The following ALS2 variants were observed in gnomAD, a reference collection of about 807,000 sequenced individuals.
ALS2 encodes alsin Rho guanine nucleotide exchange factor ALS2.
A neutral mutation model predicts 203.4 loss-of-function variants in ALS2; 117 were observed. The observed-to-expected ratio is 0.58, with a 90% confidence interval of 0.50 to 0.67. ALS2 has a LOEUF of 0.67. ALS2 is among the 30% of genes least tolerant of loss of function. The pLI, the probability that ALS2 is intolerant of heterozygous loss-of-function variation, is 0.00. For synonymous variants in ALS2, 718 were observed against 725.9 expected (o/e 0.99, Z 0.17); for missense variants, 1,715 against 1,989.4 (o/e 0.86, Z 2.62).
intron 13 of ALS2, among the ~76,000 whole-genome samples, chr2:201,729,602 A>AG (rs1290953667): frequency 6.6e-6 from 1 of 152,078 alleles, no homozygotes. Context: ...TTTTAATGGT[A>AG]GGGCGCGGTG....
intron 17 of ALS2, 102 bp downstream of exon 17, chr2:201,727,110 G>T: frequency 8.9e-7 from 1 of 1,122,054 alleles, no homozygotes. Context: ...ACAGAACTGT[G>T]CATCATTAGT....
At chr2:201,714,779 G>A (rs917953807) in intron 25 of ALS2, among the ~76,000 whole-genome samples, 1 of 152,178 alleles carries the variant, frequency 6.6e-6, no homozygotes, top group African/African-American at 2.4e-5. Context: ...GTCAACCTAT[G>A]AGCTTGGTTC....
chr2:201,715,669 C>T lies in ALS2; in HGVS notation c.4004+3G>A. The T allele has an allele frequency of 1.9e-6, 3 of 1,614,176 alleles. No individual in the cohort carries two copies. The highest frequency in any genetic ancestry group is 2.5e-6 in the Non-Finnish European group (3 of 1,180,032). ...GCTGTATGTTGAGCAGGTGTTCACT[C>T]ACCTGTCTCTGTGCTGGCGCCGACT... is the stretch of plus-strand genomic sequence containing the variant. On this transcript the variant is annotated splice_donor_region_variant and intron_variant, in intron 25 of 33. Coordinates refer to ENST00000264276, the MANE Select transcript of ALS2 (RefSeq NM_020919.4).
At chr2:201,712,578 G>A (rs6760385) in intron 25 of ALS2, among the ~76,000 whole-genome samples, 29,454 of 152,024 alleles carry the variant, frequency 0.19, 3,228 homozygotes, top group East Asian at 0.39. Context: ...TTTTAACAAC[G>A]AAGGCACAGC....
At chr2:201,728,446 A>G in intron 15 of ALS2, 66 bp downstream of exon 15, 5 of 1,570,936 alleles carry the variant, frequency 3.2e-6, no homozygotes, top group Non-Finnish European at 4.4e-6. Flanking sequence ...ATAAACTGAT[A>G]GTACAGTTAA....
At chr2:201,705,943 C>T (rs370169082) in intron 29 of ALS2, among the ~76,000 whole-genome samples, 55 of 65,768 alleles carry the variant, frequency 8.4e-4, no homozygotes, top group African/African-American at 2.6e-3. Flanking sequence ...AGCAAGACTC[C>T]GTCTCAAAAA....
At chr2:201,735,367 T>C (rs1403450022) in intron 12 of ALS2, among the ~76,000 whole-genome samples, 1 of 152,208 alleles carries the variant, frequency 6.6e-6, no homozygotes, top group Non-Finnish European at 1.5e-5. Context: ...ATGATAAATA[T>C]GACATTACAT....
chr2:201,780,560 AGG>A (rs774628295), intron 1 of ALS2, among the ~76,000 whole-genome samples: 1 of 152,154 alleles, frequency 6.6e-6, no homozygotes, highest in Non-Finnish European at 1.5e-5. Context: ...AGGCGGGAAG[AGG>A]GGGCTTGAAG....
Position 201,772,190 on chromosome 2 carries a change from C to T in ALS2, c.-60-3245G>A, listed in dbSNP as rs562529161. On this transcript the variant is annotated intron_variant, in intron 1 of 33. Transcript: ENST00000264276. The stretch of plus-strand genomic sequence containing the variant: ...TGCCACTTTTAGACTCCACTGGATA[C>T]ACATCCTTCTGTTACATCTAACAGA... 6.6e-5 allele frequency among the ~76,000 whole-genome samples: 10 copies of T among 152,280 alleles called. No homozygotes were observed. In the South Asian group the frequency reaches 1.7e-3, roughly 25 times the overall value.
In ALS2 at chr2:201,772,249, A is replaced by T. The variant is rs902290188; in HGVS notation, c.-60-3304T>A. ...TTGTCCTGTACGAGCCAAGGATATCATTTTAATACCATGATCTGGAAGTGC... is the reference window on the plus strand; with the variant it reads ...TTGTCCTGTACGAGCCAAGGATATCTTTTTAATACCATGATCTGGAAGTGC... On this transcript the variant is annotated intron_variant, in intron 1 of 33. Coordinates refer to ENST00000264276, the MANE Select transcript of ALS2 (RefSeq NM_020919.4). 2.0e-5 allele frequency among the ~76,000 whole-genome samples: 3 copies of T among 150,538 alleles called. No homozygotes were observed. In the Admixed American group the frequency reaches 2.0e-4, roughly 10 times the overall value.
At chr2:201,730,746 A>G (rs982420585) in intron 13 of ALS2, among the ~76,000 whole-genome samples, 3 of 152,206 alleles carry the variant, frequency 2.0e-5, no homozygotes, top group East Asian at 3.8e-4. Context: ...GCTGCTTTAC[A>G]TGTACTTTGC....
chr2:201,759,833 G>A, intron 4 of ALS2: 1 of 985,112 alleles, frequency 1.0e-6, no homozygotes, highest in South Asian at 4.7e-5. Context: ...GATCTTTTAT[G>A]AGTATGATCT....
At chr2:201,765,762 T>TACAGC (rs2106098675) in intron 3 of ALS2, 1 of 167,212 alleles carries the variant, frequency 6.0e-6, no homozygotes, top group South Asian at 2.1e-4. Context: ...CTCTATAAAT[T>TACAGC]ACAGCACACG....
chr2:201,719,449 C>T (rs940361654), intron 23 of ALS2, among the ~76,000 whole-genome samples: 28 of 152,120 alleles, frequency 1.8e-4, no homozygotes, highest in African/African-American at 6.8e-4. Flanking sequence ...ATTAGCTGGG[C>T]ACGGTGGCAC....
chr2:201,718,325 T>A, intron 23 of ALS2, 115 bp from the exon 24 acceptor site: 1 of 1,181,112 alleles, frequency 8.5e-7, no homozygotes, highest in Non-Finnish European at 1.2e-6. Context: ...AGTGATGCGA[T>A]CTTGGCTCAC....
At chr2:201,765,074 C>T (rs915366183) in intron 3 of ALS2, among the ~76,000 whole-genome samples, 4 of 151,874 alleles carry the variant, frequency 2.6e-5, no homozygotes, top group African/African-American at 9.7e-5. Flanking sequence ...GCTCACTGCA[C>T]GCAGCTTTGG....
chr2:201,744,134 C>A, intron 10 of ALS2, 124 bp downstream of exon 10: 1 of 1,087,468 alleles, frequency 9.2e-7, no homozygotes, highest in Non-Finnish European at 1.4e-6. Context: ...TGTGTACACA[C>A]ACACAAAGAC....
At chr2:201,767,950 G>C (rs1694188090) in intron 2 of ALS2, among the ~76,000 whole-genome samples, 1 of 151,680 alleles carries the variant, frequency 6.6e-6, no homozygotes, top group Admixed American at 6.6e-5. Flanking sequence ...CAAAACTTGG[G>C]CTATTTTTAG....
intron 2 of ALS2, among the ~76,000 whole-genome samples, chr2:201,767,862 T>G (rs1694179031): frequency 1.3e-5 from 1 of 77,536 alleles, no homozygotes. Context: ...AGCAAGACTC[T>G]GTCTAAAAAA....
Sources: gnomAD v4.1 joint callset for allele counts (sites outside exome capture counted in the v4.1 genomes callset) on GRCh38, gnomAD v4.1.1 for gene constraint, MANE v1.5 for transcripts, NCBI Gene and HGNC (gene_info 2026-07-23, HGNC 2026-07-21) for gene names.